NAALADL2: variants seen among roughly 807,000 people sequenced by gnomAD.
NAALADL2 encodes inactive N-acetylated-alpha-linked acidic dipeptidase-like protein 2.
In NAALADL2, 76 loss-of-function variants were observed where a neutral mutation model predicts 87.2. The ratio of observed to expected loss-of-function variants is 0.87; its 90% CI spans 0.72 to 1.05. NAALADL2 has a LOEUF of 1.05. NAALADL2 is among the 50% of genes least tolerant of loss of function. NAALADL2 has a pLI of 0.00. For synonymous variants in NAALADL2, 354 were observed against 331.0 expected, an observed-to-expected ratio of 1.07 and a Z score of -0.75; for missense variants, 1,089 against 945.8, an observed-to-expected ratio of 1.15 and a Z score of -1.99.
At chr3:174,498,512 A>G (rs1419757640) in intron 1 of NAALADL2, among the ~76,000 whole-genome samples, 1 of 151,682 alleles carries the variant, frequency 6.6e-6, no homozygotes, top group Non-Finnish European at 1.5e-5. Flanking sequence ...ACATTCATGT[A>G]TAAGACTGTG....
At chr3:175,717,781 A>G (rs1741535882) in intron 11 of NAALADL2, among the ~76,000 whole-genome samples, 1 of 151,068 alleles carries the variant, frequency 6.6e-6, no homozygotes, top group Admixed American at 6.6e-5. Flanking sequence ...AGTTTAGTCT[A>G]ACAGTGACCT....
chr3:174,587,887 G>T (rs1037344502), intron 2 of NAALADL2, among the ~76,000 whole-genome samples: 1 of 151,994 alleles, frequency 6.6e-6, no homozygotes, highest in African/African-American at 2.4e-5. Context: ...TATCTTTGTG[G>T]CGTTCTCTGT....
intron 1 of NAALADL2, among the ~76,000 whole-genome samples, chr3:174,525,179 G>C (rs1338607936): frequency 6.6e-6 from 1 of 152,216 alleles, no homozygotes; most frequent in Non-Finnish European, 1.5e-5. Flanking sequence ...TAATTGGATA[G>C]ATGTAGTTGT....
intron 11 of NAALADL2, among the ~76,000 whole-genome samples, chr3:175,631,036 CTAAT>C (rs904692270): frequency 6.6e-5 from 10 of 151,074 alleles, no homozygotes; most frequent in South Asian, 6.2e-4. Flanking sequence ...TTTATATTAC[CTAAT>C]TAATTAAATA....
intron 2 of NAALADL2, among the ~76,000 whole-genome samples, chr3:174,731,797 C>T (rs1471818550): frequency 6.6e-6 from 1 of 152,120 alleles, no homozygotes; most frequent in Non-Finnish European, 1.5e-5. Flanking sequence ...GGTTATGTAA[C>T]ATTATCAAAC....
intron 2 of NAALADL2, among the ~76,000 whole-genome samples, chr3:175,221,373 G>A (rs1375857929): frequency 6.6e-6 from 1 of 151,936 alleles, no homozygotes; most frequent in Non-Finnish European, 1.5e-5. Context: ...TTGGCCTCTC[G>A]AAGTGTATTG....
chr3:175,301,311 A>T (rs1757057234), intron 4 of NAALADL2, among the ~76,000 whole-genome samples: 1 of 152,252 alleles, frequency 6.6e-6, no homozygotes, highest in East Asian at 1.9e-4. Context: ...GCATTAGGAG[A>T]AATACCTAAC....
intron 1 of NAALADL2, among the ~76,000 whole-genome samples, chr3:174,469,805 T>G (rs1412879350): frequency 6.6e-6 from 1 of 152,160 alleles, no homozygotes; most frequent in Non-Finnish European, 1.5e-5. Context: ...GTGTGTGTTT[T>G]AATTCTAAGA....
Position 174,709,508 on chromosome 3 carries a change from A to T in NAALADL2, c.-114-28133A>T, listed in dbSNP as rs186037415. On this transcript the variant is annotated intron_variant, in intron 2 of 3. Transcript: ENST00000434257. ...CCAAGAAGATGATTCTGGGTTTCTAAAGTTAATATTATCAAAATTTGTATT... is the reference window on the plus strand; with the variant it reads ...CCAAGAAGATGATTCTGGGTTTCTATAGTTAATATTATCAAAATTTGTATT... Among the ~76,000 whole-genome samples the T allele has an allele frequency of 1.1e-3, 169 of 152,264 alleles. 1 individual carries two copies. The highest frequency in any genetic ancestry group is 4.0e-3 in the African/African-American group (166 of 41,562).
At chr3:174,482,512 G>T (rs1460578459) in intron 1 of NAALADL2, among the ~76,000 whole-genome samples, 2 of 152,036 alleles carry the variant, frequency 1.3e-5, no homozygotes, top group African/African-American at 2.4e-5. Context: ...TGATGCTAAA[G>T]AACTTAATTC....
At chr3:174,629,562 T>G (rs1721909725) in intron 2 of NAALADL2, among the ~76,000 whole-genome samples, 1 of 152,210 alleles carries the variant, frequency 6.6e-6, no homozygotes, top group African/African-American at 2.4e-5. Context: ...AATTTTATTT[T>G]GTAGTGTATT....
intron 3 of NAALADL2, among the ~76,000 whole-genome samples, chr3:174,771,817 A>T (rs1002493461): frequency 1.4e-4 from 22 of 152,166 alleles, no homozygotes; most frequent in African/African-American, 5.3e-4. Flanking sequence ...GGGGAGACTT[A>T]AGTGGAAAAT....
chr3:175,371,992 G>A (rs1483188190), intron 5 of NAALADL2, among the ~76,000 whole-genome samples: 7 of 151,916 alleles, frequency 4.6e-5, no homozygotes, highest in South Asian at 4.2e-4. Flanking sequence ...TACTTCCTTA[G>A]GGCAAATTCC....
chr3:175,570,370 A>T (rs1395303081), intron 9 of NAALADL2, among the ~76,000 whole-genome samples: 1 of 152,182 alleles, frequency 6.6e-6, no homozygotes, highest in Non-Finnish European at 1.5e-5. Context: ...ACTCAGAATG[A>T]TATTTGACCA....
intron 3 of NAALADL2, among the ~76,000 whole-genome samples, chr3:174,791,418 G>A (rs1428142607): frequency 6.6e-6 from 1 of 152,148 alleles, no homozygotes; most frequent in Non-Finnish European, 1.5e-5. Context: ...ACCACGTGAG[G>A]ACACAGCAAG....
chr3:174,992,798 A>G (rs1031422580), intron 1 of NAALADL2, among the ~76,000 whole-genome samples: 1 of 152,196 alleles, frequency 6.6e-6, no homozygotes, highest in African/African-American at 2.4e-5. Context: ...ACAGTTAAAT[A>G]TATCAAATCT....
chr3:174,470,271 A>C (rs1052501637), intron 1 of NAALADL2, among the ~76,000 whole-genome samples: 2 of 152,084 alleles, frequency 1.3e-5, no homozygotes, highest in Non-Finnish European at 2.9e-5. Flanking sequence ...ACTTTTTCAT[A>C]TGTGTGTTGG....
intron 2 of NAALADL2, among the ~76,000 whole-genome samples, chr3:174,569,785 G>A (rs1714707031): frequency 6.6e-6 from 1 of 152,112 alleles, no homozygotes; most frequent in South Asian, 2.1e-4. Flanking sequence ...ATTCAAGGAT[G>A]TCTCTACATC....
intron 2 of NAALADL2, among the ~76,000 whole-genome samples, chr3:175,132,156 C>A (rs1728100611): frequency 8.0e-6 from 1 of 124,574 alleles, no homozygotes; most frequent in Non-Finnish European, 1.7e-5. Flanking sequence ...CACCTCCCTC[C>A]CGGACGGGGC....
Sources: gnomAD v4.1 joint callset for allele counts (sites outside exome capture counted in the v4.1 genomes callset) on GRCh38, gnomAD v4.1.1 for gene constraint, MANE v1.5 for transcripts, NCBI Gene and HGNC (gene_info 2026-07-23, HGNC 2026-07-21) for gene names.